The following CXXC4 variants were observed in gnomAD, a reference collection of about 807,000 sequenced individuals.
CXXC4 encodes CXXC-type zinc finger protein 4.
Under a neutral mutation model 20.5 loss-of-function variants are expected in CXXC4, and 5 were observed. That is an observed-to-expected ratio of 0.24 (90% CI 0.13 to 0.51). The LOEUF (loss-of-function observed/expected upper bound fraction) is 0.51, where lower values mean the gene tolerates loss of function less well. CXXC4 is among the 20% of genes least tolerant of loss of function. The pLI is 0.97. For missense variants in CXXC4, 419 were observed against 496.4 expected (o/e 0.84, Z 1.48); for synonymous variants, 250 against 216.4 (o/e 1.16, Z -1.36).
intron 2 of CXXC4, 82 bp downstream of exon 2, chr4:104,490,662 A>G: frequency 7.9e-7 from 1 of 1,267,808 alleles, no homozygotes. Flanking sequence ...TGCATCTTGA[A>G]GCCAGACAAG....
chr4:104,477,129 A>G (rs1425644521), intron 2 of CXXC4, among the ~76,000 whole-genome samples: 3 of 152,176 alleles, frequency 2.0e-5, no homozygotes, highest in African/African-American at 7.2e-5. Context: ...TTTGCAGTAG[A>G]AAGTAAGTGA....
At chr4:104,488,837 T>C (rs771552712) in intron 2 of CXXC4, among the ~76,000 whole-genome samples, 26 of 152,312 alleles carry the variant, frequency 1.7e-4, no homozygotes, top group Non-Finnish European at 3.7e-4. Context: ...ATTTACTAAA[T>C]AAATCAGAAT....
At chr4:104,489,785 C>G (rs887978273) in intron 2 of CXXC4, among the ~76,000 whole-genome samples, 3 of 152,118 alleles carry the variant, frequency 2.0e-5, no homozygotes, top group Admixed American at 2.0e-4. Context: ...TAGCATAATT[C>G]ATAACCTAAT....
chr4:104,474,357 A>G (rs1268081837), intron 2 of CXXC4, among the ~76,000 whole-genome samples: 1 of 152,066 alleles, frequency 6.6e-6, no homozygotes, highest in African/African-American at 2.4e-5. Flanking sequence ...GGATAAATGT[A>G]ATAATTATAC....
chr4:104,488,765 C>A (rs1232424072), intron 2 of CXXC4, among the ~76,000 whole-genome samples: 1 of 152,180 alleles, frequency 6.6e-6, no homozygotes, highest in East Asian at 1.9e-4. Context: ...AAAAATTACA[C>A]CAGCATAGAA....
intron 2 of CXXC4, among the ~76,000 whole-genome samples, chr4:104,475,840 GGGTGGGGA>G (rs1353401152): frequency 3.3e-5 from 5 of 152,074 alleles, no homozygotes; most frequent in African/African-American, 9.7e-5. Flanking sequence ...GAAGAGAAGG[GGGTGGGGA>G]GGTAAAGAAT....
At position 104,477,960 on chromosome 4, in the gene CXXC4, A is replaced by G. The variant is rs532597354; in HGVS notation, c.1060-5594T>C. ...TAAATTAAAAACAACTTTCAACATC[A>G]TCCACTAACTGGAATATTAGACCCC... On this transcript the variant is annotated intron_variant, in intron 2 of 2. Coordinates refer to ENST00000394767, the MANE Select transcript of CXXC4 (RefSeq NM_025212.4). Among the ~76,000 whole-genome samples the G allele has an allele frequency of 4.6e-5, 7 of 152,270 alleles. No individual in the cohort carries two copies. In the East Asian group the frequency reaches 1.4e-3, roughly 29 times the overall value.
intron 2 of CXXC4, among the ~76,000 whole-genome samples, chr4:104,488,813 C>T (rs1324007458): frequency 1.3e-5 from 2 of 152,160 alleles, no homozygotes; most frequent in African/African-American, 4.8e-5. Flanking sequence ...ATATCAAACC[C>T]CTGCAGGGTA....
rs1736889217 is a variant in CXXC4 at position 104,491,809 on chromosome 4, G to T, written c.-7C>A. 3 of 1,435,270 alleles carry T rather than the reference G, an allele frequency of 2.1e-6. No individual in the cohort carries two copies. The highest frequency in any genetic ancestry group is 2.8e-6 in the Non-Finnish European group (3 of 1,085,080). 88.9% of individuals were successfully genotyped at this position (1,435,270 alleles called of 1,614,324 possible). A position where few individuals can be genotyped will look rare whatever the true frequency, so the allele number is the denominator to read the frequency against. The stretch of plus-strand genomic sequence containing the variant: ...CGCAGACATTGGTGTTCATGGTGCA[G>T]GGGGGGAAGAAGGGGTGCAGGGTGG... On this transcript the variant is annotated 5_prime_UTR_variant, in exon 2 of 3. In the 5' UTR this introduces an upstream ATG that the reference lacks. Transcript: ENST00000394767.
chr4:104,477,433 CTGAT>C (rs972008203), intron 2 of CXXC4, among the ~76,000 whole-genome samples: 5 of 152,116 alleles, frequency 3.3e-5, no homozygotes, highest in Admixed American at 2.6e-4. Context: ...TGTGAACAAA[CTGAT>C]TGACACAAAT....
At chr4:104,489,653 T>C (rs535459325) in intron 2 of CXXC4, among the ~76,000 whole-genome samples, 1 of 152,342 alleles carries the variant, frequency 6.6e-6, no homozygotes, top group East Asian at 1.9e-4. Context: ...TAAGTACTTG[T>C]CCAGATTTCT....
intron 2 of CXXC4, among the ~76,000 whole-genome samples, chr4:104,484,381 A>T (rs888437970): frequency 1.3e-5 from 2 of 152,032 alleles, no homozygotes; most frequent in African/African-American, 4.8e-5. Context: ...CATGGACCAC[A>T]TATAATTTTA....
At position 104,486,985 on chromosome 4, in the gene CXXC4, T is replaced by C. The variant is rs1736715458; in HGVS notation, c.1059+3759A>G. Among the ~76,000 whole-genome samples, 4 of 152,182 alleles carry C rather than the reference T, an allele frequency of 2.6e-5. No individual in the cohort carries two copies. The South Asian group carries it at 8.3e-4, about 31-fold the overall frequency. On this transcript the variant is annotated intron_variant, in intron 2 of 2. Coordinates refer to ENST00000394767, the MANE Select transcript of CXXC4 (RefSeq NM_025212.4). ...TATTACACTCTTCTGAAGTAAGCTA[T>C]CAAGTTAGAGACAGTATTTGAATTT...
In CXXC4 at chr4:104,491,691, C is replaced by A; in HGVS notation, c.112G>T (p.Glu38Ter). Reference protein sequence around the residue: ...ALNSLVDYNSEMERYRSFATS... With the variant: ...ALNSLVDYNS Reference sequence around the variant, plus strand: ...GCAAAGGAGCGGTAGCGCTCCATTTCCGAGTTGTAATCCACAAGGCTGTTC... The same window carrying A: ...GCAAAGGAGCGGTAGCGCTCCATTTACGAGTTGTAATCCACAAGGCTGTTC... The change falls in exon 2 of 3, where the codon GAA becomes TAA. Residue 38 changes from glutamate to a stop codon, truncating the protein, a stop_gained. Transcript: ENST00000394767. LOFTEE classifies it high-confidence loss of function. 6.5e-7 allele frequency: 1 copy of A among 1,546,666 alleles called. No individual in the cohort carries two copies. Among genetic ancestry groups the A allele is most frequent in the Non-Finnish European group, 8.7e-7 (1 of 1,145,322 alleles).
chr4:104,486,575 G>C (rs1736700221), intron 2 of CXXC4, among the ~76,000 whole-genome samples: 3 of 150,642 alleles, frequency 2.0e-5, no homozygotes, highest in Admixed American at 2.0e-4. Context: ...GCACTTTTTG[G>C]TTAAAATAAA....
intron 2 of CXXC4, among the ~76,000 whole-genome samples, chr4:104,487,142 CTT>C (rs1253840603): frequency 6.6e-6 from 1 of 152,112 alleles, no homozygotes; most frequent in Non-Finnish European, 1.5e-5. Context: ...TTCTTCCTGA[CTT>C]TCCAGTCTCT....
At chr4:104,476,019 C>T (rs766284066) in intron 2 of CXXC4, among the ~76,000 whole-genome samples, 2 of 152,056 alleles carry the variant, frequency 1.3e-5, no homozygotes, top group Non-Finnish European at 2.9e-5. Context: ...AGAGAATTCA[C>T]CCCTACACAA....
At chr4:104,479,121 C>A (rs546443104) in intron 2 of CXXC4, among the ~76,000 whole-genome samples, 2 of 152,198 alleles carry the variant, frequency 1.3e-5, no homozygotes, top group South Asian at 4.1e-4. Context: ...CAATGAGCAG[C>A]CTTTCCCAGA....
chr4:104,473,913 T>C (rs1407139016), intron 2 of CXXC4, among the ~76,000 whole-genome samples: 8 of 152,096 alleles, frequency 5.3e-5, no homozygotes, highest in East Asian at 1.9e-4. Flanking sequence ...CATTGTCCTA[T>C]TGTAATTATG....
Sources: allele counts gnomAD v4.1 joint callset (sites outside exome capture counted in the v4.1 genomes callset), GRCh38; gene constraint gnomAD v4.1.1; transcripts MANE v1.5; gene names NCBI Gene and HGNC (gene_info 2026-07-23, HGNC 2026-07-21).